Variants in CD160 observed in about 807,000 individuals in gnomAD.
CD160 encodes the protein CD160 molecule, also known as CD160 antigen.
CD160 carries 11 observed loss-of-function variants against 19.2 expected under a neutral mutation model. That is an observed-to-expected ratio of 0.57 (90% CI 0.36 to 0.95). CD160 has a LOEUF of 0.95. Among genes scored for constraint, CD160 ranks in the 40% least tolerant of loss-of-function variants. CD160 has a pLI of 0.01. For missense variants in CD160, 182 were observed against 213.2 expected (o/e 0.85, Z 0.91); for synonymous variants, 75 against 81.1 (o/e 0.93, Z 0.40).
intron 1 of CD160, among the ~76,000 whole-genome samples, chr1:145,723,439 T>C (rs1183460785): frequency 6.6e-6 from 1 of 152,226 alleles, no homozygotes; most frequent in Non-Finnish European, 1.5e-5. Flanking sequence ...TCTTATGTAT[T>C]AATAAGTACC....
intron 2 of CD160, among the ~76,000 whole-genome samples, chr1:145,727,867 T>A (rs1258628143): frequency 6.6e-6 from 1 of 152,128 alleles, no homozygotes; most frequent in Non-Finnish European, 1.5e-5. Flanking sequence ...AAAGTACAGA[T>A]AATACCCAGA....
At chr1:145,736,549 T>C (rs1031586748) in intron 5 of CD160, 15 of 263,848 alleles carry the variant, frequency 5.7e-5, no homozygotes, top group African/African-American at 3.1e-4. Flanking sequence ...GATGGCCAGA[T>C]TGAGTATATT....
intron 5 of CD160, 161 bp from the exon 6 acceptor site, chr1:145,738,325 A>G: frequency 2.4e-6 from 1 of 423,938 alleles, no homozygotes; most frequent in Non-Finnish European, 4.3e-6. Flanking sequence ...TTTAGTAATA[A>G]GATGCAATAC....
chr1:145,738,521 C>G lies in CD160; in HGVS notation c.*28C>G, dbSNP rs782272281. The G allele has an allele frequency of 7.6e-7, 1 of 1,312,144 alleles. No homozygotes were observed. Among genetic ancestry groups the G allele is most frequent in the South Asian group, 3.0e-5 (1 of 33,542 alleles). The allele number at this position is 1,312,144 out of a possible 1,614,324, so 81.3% of individuals were successfully genotyped here. On this transcript the variant is annotated 3_prime_UTR_variant, in exon 6 of 6. Transcript: ENST00000369288. ...CTTGTGCCAAAAGAAACTTTTAAAA[C>G]AGCTACAGCAAGATGAGTCTGACTA...
chr1:145,732,682 T>A (rs1453786922), intron 4 of CD160, among the ~76,000 whole-genome samples: 1 of 152,052 alleles, frequency 6.6e-6, no homozygotes, highest in Non-Finnish European at 1.5e-5. Context: ...AAGAAATGGA[T>A]ATGGAAAACT....
intron 3 of CD160, among the ~76,000 whole-genome samples, chr1:145,728,724 G>A (rs1657162634): frequency 6.6e-6 from 1 of 151,914 alleles, no homozygotes; most frequent in South Asian, 2.1e-4. Flanking sequence ...GGCTGGCCTC[G>A]AACTCTGCCT....
intron 1 of CD160, among the ~76,000 whole-genome samples, chr1:145,722,752 C>T (rs1463977843): frequency 2.0e-5 from 3 of 152,084 alleles, no homozygotes; most frequent in Admixed American, 1.3e-4. Flanking sequence ...CCACCACGCC[C>T]GGCTAATTTT....
intron 1 of CD160, among the ~76,000 whole-genome samples, 154 bp from the exon 2 acceptor site, chr1:145,724,647 G>A (rs764114643): frequency 6.6e-6 from 1 of 152,120 alleles, no homozygotes; most frequent in Non-Finnish European, 1.5e-5. Flanking sequence ...CCAGTAGTAT[G>A]TTAATTAATA....
intron 2 of CD160, among the ~76,000 whole-genome samples, chr1:145,725,157 C>T (rs1344606887): frequency 1.3e-5 from 2 of 151,806 alleles, no homozygotes; most frequent in Non-Finnish European, 2.9e-5. Context: ...TGGTGGTTCA[C>T]GCCTGTAATC....
chr1:145,731,362 T>C (rs1008950579), intron 4 of CD160, among the ~76,000 whole-genome samples: 1 of 152,150 alleles, frequency 6.6e-6, no homozygotes, highest in South Asian at 2.1e-4. Context: ...CTGGTGAAAG[T>C]AAAAACAGAT....
At chr1:145,727,654 A>T (rs1463277530) in intron 2 of CD160, among the ~76,000 whole-genome samples, 1 of 152,174 alleles carries the variant, frequency 6.6e-6, no homozygotes, top group East Asian at 1.9e-4. Flanking sequence ...GTATTTGCCT[A>T]AAAAAATGGC....
chr1:145,731,774 A>G (rs781839049), intron 4 of CD160, among the ~76,000 whole-genome samples: 5 of 152,304 alleles, frequency 3.3e-5, no homozygotes, highest in Non-Finnish European at 7.4e-5. Context: ...TCAGGCAGAC[A>G]ACGAGATTAG....
chr1:145,722,317 G>A (rs1656882616), intron 1 of CD160, among the ~76,000 whole-genome samples: 1 of 152,098 alleles, frequency 6.6e-6, no homozygotes, highest in South Asian at 2.1e-4. Flanking sequence ...CCATTTTATA[G>A]GTCATTAAGA....
At chr1:145,724,253 A>T (rs1174113204) in intron 1 of CD160, among the ~76,000 whole-genome samples, 1 of 152,180 alleles carries the variant, frequency 6.6e-6, no homozygotes, top group South Asian at 2.1e-4. Context: ...GCCTATTCAG[A>T]TACTCTTTTA....
chr1:145,737,708 C>A (rs1286312430), intron 5 of CD160: 2 of 148,336 alleles, frequency 1.3e-5, no homozygotes, highest in African/African-American at 5.0e-5. Flanking sequence ...AGCCATACAA[C>A]CTACTACTAG....
chr1:145,736,876 T>A (rs1460313594), intron 5 of CD160: 1 of 152,434 alleles, frequency 6.6e-6, no homozygotes, highest in Admixed American at 6.5e-5. Context: ...AAAACCTGTA[T>A]GATGAATCAG....
chr1:145,728,793 G>A (rs983015683), intron 3 of CD160, among the ~76,000 whole-genome samples: 1 of 152,130 alleles, frequency 6.6e-6, no homozygotes, highest in East Asian at 1.9e-4. Flanking sequence ...TAAGGAAAGG[G>A]TAAAGAATAT....
At chr1:145,732,624 G>A (rs1657340559) in intron 4 of CD160, among the ~76,000 whole-genome samples, 1 of 152,046 alleles carries the variant, frequency 6.6e-6, no homozygotes, top group South Asian at 2.1e-4. Flanking sequence ...AAATGGAATC[G>A]ACATATCATC....
At chr1:145,729,036 G>T (rs781802490) in intron 3 of CD160, among the ~76,000 whole-genome samples, 1 of 152,152 alleles carries the variant, frequency 6.6e-6, no homozygotes, top group Admixed American at 6.5e-5. Flanking sequence ...TTTATAAAAT[G>T]GGAAGAGTAA....
Sources: gnomAD v4.1 joint callset for allele counts (sites outside exome capture counted in the v4.1 genomes callset) on GRCh38, gnomAD v4.1.1 for gene constraint, MANE v1.5 for transcripts, NCBI Gene and HGNC (gene_info 2026-07-23, HGNC 2026-07-21) for gene names.